The following APBB2 variants were observed in gnomAD, a reference collection of about 807,000 sequenced individuals.
APBB2 encodes Fe65-like 1.
APBB2 carries 38 observed loss-of-function variants against 82.5 expected under a neutral mutation model. That is an observed-to-expected ratio of 0.46 (90% CI 0.36 to 0.60). The LOEUF is 0.60. Among genes scored for constraint, APBB2 ranks in the 20% least tolerant of loss-of-function variants. The probability of loss-of-function intolerance (pLI) is 0.00; values close to 1 mark genes in which losing one functional copy is unlikely to be tolerated. For synonymous variants in APBB2, 341 were observed against 368.2 expected (o/e 0.93, Z 0.85); for missense variants, 772 against 972.3 (o/e 0.79, Z 2.74).
intron 2 of APBB2, among the ~76,000 whole-genome samples, chr4:41,138,388 A>C (rs1441793885): frequency 6.6e-6 from 1 of 152,232 alleles, no homozygotes; most frequent in Non-Finnish European, 1.5e-5. Context: ...GCAATTTATC[A>C]ATGATTAAAA....
At chr4:40,909,780 TGA>T (rs1286594193) in intron 10 of APBB2, among the ~76,000 whole-genome samples, 1 of 152,200 alleles carries the variant, frequency 6.6e-6, no homozygotes, top group Non-Finnish European at 1.5e-5. Context: ...CACTCTGTGC[TGA>T]GTGTTTTATA....
At chr4:41,148,600 T>A (rs1472314277) in intron 1 of APBB2, among the ~76,000 whole-genome samples, 1 of 152,214 alleles carries the variant, frequency 6.6e-6, no homozygotes, top group Non-Finnish European at 1.5e-5. Context: ...TAAGGGAAGC[T>A]GTGATCTGTG....
At chr4:41,075,025 T>C (rs1735190359) in intron 3 of APBB2, among the ~76,000 whole-genome samples, 1 of 151,934 alleles carries the variant, frequency 6.6e-6, no homozygotes, top group Non-Finnish European at 1.5e-5. Context: ...CCCAGCTACC[T>C]GGGGGGCTGA....
At chr4:41,007,081 G>C (rs1381072731) in intron 6 of APBB2, among the ~76,000 whole-genome samples, 2 of 152,082 alleles carry the variant, frequency 1.3e-5, no homozygotes, top group Non-Finnish European at 2.9e-5. Flanking sequence ...TAGTCTAAAT[G>C]TGTCCCCCAT....
At chr4:41,157,190 C>T (rs1763695337) in intron 1 of APBB2, among the ~76,000 whole-genome samples, 1 of 152,130 alleles carries the variant, frequency 6.6e-6, no homozygotes, top group South Asian at 2.1e-4. Context: ...TTTCTATCGT[C>T]TTGCACACCT....
At chr4:40,946,254 A>AAAAAAAAAAAAAAAAAC (rs1553875174) in intron 6 of APBB2, among the ~76,000 whole-genome samples, 2,179 of 114,316 alleles carry the variant, frequency 0.019, 229 homozygotes, top group Non-Finnish European at 0.027. Flanking sequence ...AAAAAAAAAA[A>AAAAAAAAAAAAAAAAAC]CATTCCCAAG....
chr4:40,930,454 CGCGCGCGCGCGCGTGCGCGTGCGCGT>C (rs1783887946), intron 10 of APBB2, among the ~76,000 whole-genome samples: 1 of 103,446 alleles, frequency 9.7e-6, no homozygotes, highest in Non-Finnish European at 2.0e-5. Context: ...TGTGTGCGCG[CGCGCGCGCGCGCGTGCGCGTGCGCGT>C]ATGCGTGTGT....
chr4:41,101,958 C>CAA (rs547905590), intron 2 of APBB2, among the ~76,000 whole-genome samples: 5 of 117,148 alleles, frequency 4.3e-5, no homozygotes, highest in Non-Finnish European at 5.4e-5. Context: ...GACTCCATCT[C>CAA]AAAAAAAAAA....
chr4:40,860,174 C>T (rs1762425360), intron 12 of APBB2, among the ~76,000 whole-genome samples: 1 of 152,194 alleles, frequency 6.6e-6, no homozygotes, highest in South Asian at 2.1e-4. Context: ...CTGCCTTCAG[C>T]TTCTGGGAGG....
chr4:41,022,141 C>G (rs932510718), intron 5 of APBB2, among the ~76,000 whole-genome samples: 4 of 152,182 alleles, frequency 2.6e-5, no homozygotes, highest in African/African-American at 7.2e-5. Flanking sequence ...CACAGAGGAA[C>G]AGATGTGAAG....
intron 3 of APBB2, among the ~76,000 whole-genome samples, chr4:41,092,133 T>C (rs1455255409): frequency 6.6e-6 from 1 of 152,218 alleles, no homozygotes; most frequent in African/African-American, 2.4e-5. Context: ...TCAAGGGCTG[T>C]AAGGCACAAC....
chr4:40,914,274 G>A (rs894322470), intron 10 of APBB2, among the ~76,000 whole-genome samples: 11 of 152,174 alleles, frequency 7.2e-5, no homozygotes, highest in Non-Finnish European at 1.0e-4. Context: ...TTGGGAGGCC[G>A]AGGCAGGAGA....
intron 2 of APBB2, among the ~76,000 whole-genome samples, chr4:41,103,347 A>C (rs1746087692): frequency 6.6e-6 from 1 of 152,212 alleles, no homozygotes; most frequent in African/African-American, 2.4e-5. Flanking sequence ...GAAAGGACAA[A>C]ATGAATGGAA....
intron 12 of APBB2, among the ~76,000 whole-genome samples, chr4:40,854,856 A>G (rs528616381): frequency 6.6e-6 from 1 of 152,194 alleles, no homozygotes; most frequent in Non-Finnish European, 1.5e-5. Flanking sequence ...GTCCAAGAGG[A>G]AAGCTGTATA....
chr4:41,200,851 G>A (rs1216797904), intron 1 of APBB2, among the ~76,000 whole-genome samples: 2 of 152,126 alleles, frequency 1.3e-5, no homozygotes, highest in African/African-American at 4.8e-5. Context: ...TGTGTTTTAA[G>A]AAAATATTCA....
intron 2 of APBB2, among the ~76,000 whole-genome samples, chr4:41,130,271 C>T (rs1289099584): frequency 6.6e-6 from 1 of 152,170 alleles, no homozygotes; most frequent in African/African-American, 2.4e-5. Context: ...AGGGTCTAAG[C>T]TGCAGCTTGG....
intron 2 of APBB2, among the ~76,000 whole-genome samples, chr4:41,138,382 T>C (rs1278050840): frequency 6.6e-6 from 1 of 152,158 alleles, no homozygotes; most frequent in Non-Finnish European, 1.5e-5. Flanking sequence ...ATTGATGCAA[T>C]TTATCAATGA....
At chr4:40,928,326 T>C (rs1035100983) in intron 10 of APBB2, among the ~76,000 whole-genome samples, 2 of 151,440 alleles carry the variant, frequency 1.3e-5, no homozygotes, top group Admixed American at 6.6e-5. Flanking sequence ...TGGGATCGCC[T>C]GAGGTCAGGA....
intron 5 of APBB2, among the ~76,000 whole-genome samples, chr4:41,014,741 T>A (rs1579253841): frequency 6.6e-6 from 1 of 152,198 alleles, no homozygotes; most frequent in Admixed American, 6.5e-5. Flanking sequence ...TGAAAAATCA[T>A]CCCCTTTCCA....
Sources: allele counts gnomAD v4.1 joint callset (sites outside exome capture counted in the v4.1 genomes callset), GRCh38; gene constraint gnomAD v4.1.1; transcripts MANE v1.5; gene names NCBI Gene and HGNC (gene_info 2026-07-23, HGNC 2026-07-21).